Variants in GAS7 observed in about 807,000 individuals in gnomAD.
GAS7 encodes growth arrest-specific protein 7.
In GAS7, 28 loss-of-function variants were observed where a neutral mutation model predicts 71.1. The ratio of observed to expected loss-of-function variants is 0.39; its 90% CI spans 0.29 to 0.54. The LOEUF (loss-of-function observed/expected upper bound fraction) is 0.54, where lower values mean the gene tolerates loss of function less well. GAS7 is among the 20% of genes least tolerant of loss of function. The pLI, the probability that GAS7 is intolerant of heterozygous loss-of-function variation, is 0.62. For missense variants in GAS7, 436 were observed against 627.8 expected (o/e 0.69, Z 3.27); for synonymous variants, 258 against 245.8 (o/e 1.05, Z -0.46).
chr17:10,174,290 G>A (rs2074355511), intron 1 of GAS7, among the ~76,000 whole-genome samples: 1 of 152,214 alleles, frequency 6.6e-6, no homozygotes. Context: ...TTTGGGGACT[G>A]AGTAGAGATT....
At chr17:10,019,245 C>T (rs932295126) in intron 2 of GAS7, among the ~76,000 whole-genome samples, 5 of 152,126 alleles carry the variant, frequency 3.3e-5, no homozygotes, top group East Asian at 1.9e-4. Context: ...TAAGCACCCC[C>T]GGCATTTCCC....
In GAS7 at chr17:10,133,215, T is replaced by G. The variant is rs376041744; in HGVS notation, c.183+64993A>C. Among the ~76,000 whole-genome samples, 20 of 151,838 alleles carry G rather than the reference T, an allele frequency of 1.3e-4. 1 individual carries two copies. In the East Asian group the frequency reaches 1.9e-3, roughly 15 times the overall value. ...TCAGCTCACTGCAACCTCCACCTCC[T>G]GGGTTCAAGTGATTCTCCTATCTCA... On this transcript the variant is annotated intron_variant, in intron 1 of 13. Coordinates refer to ENST00000432992, the MANE Select transcript of GAS7 (RefSeq NM_201433.2).
At chr17:10,159,350 A>G (rs1301326723) in intron 1 of GAS7, among the ~76,000 whole-genome samples, 1 of 151,954 alleles carries the variant, frequency 6.6e-6, no homozygotes, top group Non-Finnish European at 1.5e-5. Context: ...CACCAAAAAC[A>G]TGTACGAGAA....
intron 2 of GAS7, among the ~76,000 whole-genome samples, chr17:10,015,706 C>A (rs558205240): frequency 2.6e-5 from 4 of 152,118 alleles, no homozygotes; most frequent in Non-Finnish European, 4.4e-5. Flanking sequence ...CTTAGACTGC[C>A]GAGCAAAATT....
At chr17:10,122,712 A>G (rs2073914636) in intron 1 of GAS7, among the ~76,000 whole-genome samples, 1 of 152,254 alleles carries the variant, frequency 6.6e-6, no homozygotes, top group African/African-American at 2.4e-5. Context: ...ACACTACCTC[A>G]GACAGTTGTA....
At chr17:9,965,200 C>A (rs966338104) in intron 4 of GAS7, among the ~76,000 whole-genome samples, 4 of 152,164 alleles carry the variant, frequency 2.6e-5, no homozygotes, top group South Asian at 4.1e-4. Flanking sequence ...ATAAGTCATT[C>A]TACTATAAAG....
intron 2 of GAS7, among the ~76,000 whole-genome samples, chr17:10,007,441 A>G (rs771657342): frequency 1.3e-5 from 2 of 151,962 alleles, no homozygotes; most frequent in Non-Finnish European, 2.9e-5. Context: ...TCTGGCCAAC[A>G]TGGTGAAATC....
intron 1 of GAS7, among the ~76,000 whole-genome samples, chr17:10,105,787 C>T (rs2142059412): frequency 6.6e-6 from 1 of 152,270 alleles, no homozygotes; most frequent in Non-Finnish European, 1.5e-5. Context: ...GCTTATTCCC[C>T]AACTCTACCC....
intron 1 of GAS7, among the ~76,000 whole-genome samples, chr17:10,092,066 C>T (rs115915728): frequency 0.011 from 1,688 of 152,266 alleles, 30 homozygotes; most frequent in African/African-American, 0.038. Context: ...CAGTCTCCCC[C>T]GTTTCTCCCC....
intron 2 of GAS7, among the ~76,000 whole-genome samples, chr17:9,993,643 C>T (rs1318038931): frequency 6.6e-6 from 1 of 151,414 alleles, no homozygotes; most frequent in African/African-American, 2.4e-5. Context: ...CCTCTCTCAC[C>T]ACTCCTATTC....
chr17:9,935,240 C>T (rs2068357934), intron 8 of GAS7, among the ~76,000 whole-genome samples: 1 of 152,192 alleles, frequency 6.6e-6, no homozygotes, highest in South Asian at 2.1e-4. Flanking sequence ...TAGCTGTGAG[C>T]CCTGATGCTG....
chr17:9,951,406 T>C (rs894599792), intron 5 of GAS7, among the ~76,000 whole-genome samples: 6 of 152,200 alleles, frequency 3.9e-5, no homozygotes, highest in African/African-American at 1.4e-4. Context: ...TCGTCTTTCC[T>C]CACTCAAACT....
At chr17:10,064,521 C>T (rs1020606103) in intron 1 of GAS7, among the ~76,000 whole-genome samples, 24 of 152,302 alleles carry the variant, frequency 1.6e-4, no homozygotes, top group African/African-American at 5.3e-4. Flanking sequence ...TCCCCAACCA[C>T]GGTACTAGTT....
chr17:10,056,185 C>T (rs554419465), intron 1 of GAS7, among the ~76,000 whole-genome samples: 1 of 151,964 alleles, frequency 6.6e-6, no homozygotes, highest in African/African-American at 2.4e-5. Context: ...ATAGTGAGAC[C>T]CCCATCTCTA....
Position 10,034,306 on chromosome 17 carries a change from T to G in GAS7, c.184-14409A>C. 1 of 699,612 alleles carries G rather than the reference T, an allele frequency of 1.4e-6. No homozygotes were observed. Among genetic ancestry groups the G allele is most frequent in the South Asian group, 6.4e-5 (1 of 15,714 alleles). The allele number at this position is 699,612 out of a possible 1,614,324, so 43.3% of individuals were successfully genotyped here. A position where few individuals can be genotyped will look rare whatever the true frequency, so the allele number is the denominator to read the frequency against. On this transcript the variant is annotated intron_variant, in intron 1 of 13. Transcript: ENST00000432992. This position sits in a 1 kb window ranked among gnomAD's most constrained non-coding sequence, Gnocchi z 4.4. Reference sequence around the variant, plus strand: ...TATATACATATATATAGCCTAATACTTAATAATTCTTTTTTTTTTTTTTAG... The same window carrying G: ...TATATACATATATATAGCCTAATACGTAATAATTCTTTTTTTTTTTTTTAG...
Position 9,912,760 on chromosome 17 carries a change from C to T in GAS7, c.*4468G>A, listed in dbSNP as rs16958974. On this transcript the variant is annotated 3_prime_UTR_variant, in exon 14 of 14. Coordinates refer to ENST00000432992, the MANE Select transcript of GAS7 (RefSeq NM_201433.2). ...CTGGGGAACTGAAGGAAGCAGCAAG[C>T]TGGAAGTGGTCGTGCAAACAAGTTG... 0.021 allele frequency: 4,859 copies of T among 232,734 alleles called. 238 individuals carry two copies. The highest frequency in any genetic ancestry group is 0.099 in the African/African-American group (4,482 of 45,414). 14.4% of individuals were successfully genotyped at this position (232,734 alleles called of 1,614,324 possible). A position where few individuals can be genotyped will look rare whatever the true frequency, so the allele number is the denominator to read the frequency against.
At chr17:9,936,111 C>T (rs919566313) in intron 8 of GAS7, among the ~76,000 whole-genome samples, 8 of 152,316 alleles carry the variant, frequency 5.3e-5, no homozygotes, top group East Asian at 1.9e-4. Flanking sequence ...AAAGGAATCT[C>T]GGCCCTACCT....
intron 1 of GAS7, among the ~76,000 whole-genome samples, chr17:10,163,379 G>A (rs1009001326): frequency 6.6e-6 from 1 of 151,580 alleles, no homozygotes; most frequent in African/African-American, 2.4e-5. Context: ...GCTTGCCTCG[G>A]CCTCCCAAAG....
At chr17:10,062,416 T>A (rs1313156904) in intron 1 of GAS7, among the ~76,000 whole-genome samples, 1 of 151,678 alleles carries the variant, frequency 6.6e-6, no homozygotes, top group Non-Finnish European at 1.5e-5. Context: ...ACCCGGGAGG[T>A]GGAGGTTGCA....
Sources: gnomAD v4.1 joint callset for allele counts (sites outside exome capture counted in the v4.1 genomes callset) on GRCh38, gnomAD v4.1.1 for gene constraint, Gnocchi (gnomAD v3.1) non-coding constraint, MANE v1.5 for transcripts, NCBI Gene and HGNC (gene_info 2026-07-23, HGNC 2026-07-21) for gene names.